Variants in AGBL3 observed in about 807,000 individuals in gnomAD.
AGBL3 encodes the protein AGBL carboxypeptidase 3.
In AGBL3, 68 loss-of-function variants were observed where a neutral mutation model predicts 94.5. The observed-to-expected ratio is 0.72, with a 90% confidence interval of 0.59 to 0.88. The LOEUF is 0.88. AGBL3 is among the 40% of genes least tolerant of loss of function. The pLI, the probability that AGBL3 is intolerant of heterozygous loss-of-function variation, is 0.00. For missense variants in AGBL3, 934 were observed against 1,103.8 expected (o/e 0.85, Z 2.18); for synonymous variants, 354 against 370.7 (o/e 0.95, Z 0.52).
chr7:135,119,546 T>C (rs1369652962), intron 16 of AGBL3, among the ~76,000 whole-genome samples: 1 of 149,548 alleles, frequency 6.7e-6, no homozygotes, highest in East Asian at 2.0e-4. Flanking sequence ...ATTTAACTTC[T>C]GAAAATGAGA....
chr7:135,080,164 TA>T, intron 13 of AGBL3, 38 bp from the exon 14 acceptor site: 1 of 1,434,860 alleles, frequency 7.0e-7, no homozygotes, highest in Non-Finnish European at 9.6e-7. Flanking sequence ...TTCATGTTGA[TA>T]AAATAGCATT....
At chr7:134,998,577 A>G (rs1442266906) in intron 4 of AGBL3, among the ~76,000 whole-genome samples, 1 of 152,202 alleles carries the variant, frequency 6.6e-6, no homozygotes, top group African/African-American at 2.4e-5. Flanking sequence ...ATACCAGTCT[A>G]GCTCGTGCTT....
chr7:135,046,710 A>G (rs1270548630), intron 11 of AGBL3, among the ~76,000 whole-genome samples: 1 of 152,078 alleles, frequency 6.6e-6, no homozygotes, highest in African/African-American at 2.4e-5. Flanking sequence ...CAGTTTATAT[A>G]TCAGTTTACC....
intron 5 of AGBL3, among the ~76,000 whole-genome samples, chr7:135,032,269 A>G (rs938946615): frequency 6.6e-6 from 1 of 151,972 alleles, no homozygotes. Context: ...TTACTTCATC[A>G]TGACCAGAAA....
At chr7:135,084,348 A>C (rs1005915376) in intron 15 of AGBL3, among the ~76,000 whole-genome samples, 2 of 152,166 alleles carry the variant, frequency 1.3e-5, no homozygotes, top group African/African-American at 4.8e-5. Flanking sequence ...TGTTTGGTAC[A>C]TTCAAAATCT....
chr7:134,990,870 G>C (rs1810152671), intron 3 of AGBL3, among the ~76,000 whole-genome samples: 1 of 152,122 alleles, frequency 6.6e-6, no homozygotes, highest in Admixed American at 6.5e-5. Flanking sequence ...CTTTTGCCCT[G>C]AGAACTGGTC....
chr7:135,135,158 G>T lies in AGBL3; in HGVS notation c.2660G>T (p.Ser887Ile). Residue 887 changes from serine to isoleucine, a missense_variant, in exon 17 of 17, where the codon AGC becomes ATC. By Grantham distance (142) the Ser-to-Ile change is moderately radical (BLOSUM62 -2). Coordinates refer to ENST00000436302, the MANE Select transcript of AGBL3 (RefSeq NM_178563.4). ...CAAGCTGAAGAAACTAACCAGCAAA[G>T]CTCTAAGCATACAGCCCTCCATCTA... ...SLQAEETNQQSSKHTALHLTK... is the reference protein window; with the variant it reads ...SLQAEETNQQISKHTALHLTK... 1 of 1,551,016 alleles carries T rather than the reference G, an allele frequency of 6.4e-7. No individual in the cohort carries two copies. Among genetic ancestry groups the T allele is most frequent in the Non-Finnish European group, 8.7e-7 (1 of 1,146,606 alleles).
intron 3 of AGBL3, among the ~76,000 whole-genome samples, chr7:134,991,201 T>TGGGG (rs58596813): frequency 3.0e-4 from 24 of 80,504 alleles, no homozygotes; most frequent in African/African-American, 9.3e-4. Flanking sequence ...TGTGTGTGGG[T>TGGGG]GGGGGGGGGG....
chr7:135,128,328 A>AAAAC (rs1828238689), intron 16 of AGBL3: 1 of 186,260 alleles, frequency 5.4e-6, no homozygotes, highest in African/African-American at 2.6e-5. Context: ...AACGAAAAAA[A>AAAAC]AAAACAAAAC....
rs911255510 is a variant in AGBL3 at position 135,047,726 on chromosome 7, GT to G, written c.1841+1820del. Among the ~76,000 whole-genome samples the G allele has an allele frequency of 4.6e-5, 7 of 152,012 alleles. 1 individual carries two copies. Among genetic ancestry groups the G allele is most frequent in the Admixed American group, 3.3e-4 (5 of 15,228 alleles). ...TTTATAACAAAATCAGGTTATAGGG[GT>G]TTTTGCTATTGAGGTGAAGGAATTC... On this transcript the variant is annotated intron_variant, in intron 11 of 16. Coordinates refer to ENST00000436302, the MANE Select transcript of AGBL3 (RefSeq NM_178563.4).
chr7:135,073,536 G>A (rs1820162506), intron 12 of AGBL3, among the ~76,000 whole-genome samples: 1 of 151,594 alleles, frequency 6.6e-6, no homozygotes, highest in African/African-American at 2.4e-5. Flanking sequence ...TAAGAGTGTA[G>A]TAGGAAGAGC....
At chr7:135,031,629 G>A (rs1815754117) in intron 5 of AGBL3, among the ~76,000 whole-genome samples, 1 of 152,140 alleles carries the variant, frequency 6.6e-6, no homozygotes, top group African/African-American at 2.4e-5. Flanking sequence ...AGATCATTTT[G>A]CTTCTTTCAG....
At chr7:135,088,490 A>G (rs1331926137) in intron 15 of AGBL3, among the ~76,000 whole-genome samples, 2 of 151,960 alleles carry the variant, frequency 1.3e-5, no homozygotes, top group Non-Finnish European at 2.9e-5. Context: ...TTATACTTTT[A>G]TATGTTTTAA....
intron 12 of AGBL3, among the ~76,000 whole-genome samples, chr7:135,061,057 T>C (rs555591983): frequency 1.1e-3 from 130 of 122,272 alleles, no homozygotes; most frequent in African/African-American, 3.7e-3. Flanking sequence ...CCAACACTAA[T>C]TATCTTTTTT....
rs1324062905 is a variant in AGBL3 at position 135,115,387 on chromosome 7, C to A, written c.2118C>A (p.His706Gln). 1.9e-6 allele frequency: 3 copies of A among 1,549,656 alleles called. No individual in the cohort carries two copies. Among genetic ancestry groups the A allele is most frequent in the Non-Finnish European group, 8.7e-7 (1 of 1,146,046 alleles). The change falls in exon 16 of 17, where the codon CAC becomes CAA. Residue 706 changes from histidine to glutamine, a missense_variant. This residue lies in a region of AGBL3 where 441 missense variants were observed against 518.2 expected (regional missense o/e 0.85). Transcript: ENST00000436302. ...RQLPNQGLDL[H>Q]HNLKSKIKEC... ...TTTGTGGTTGCTCCCCAGATCTGCA[C>A]CACAACTTAAAAAGCAAAATAAAAG...
At chr7:135,028,686 C>T (rs996391829) in intron 5 of AGBL3, among the ~76,000 whole-genome samples, 1 of 152,180 alleles carries the variant, frequency 6.6e-6, no homozygotes, top group Non-Finnish European at 1.5e-5. Flanking sequence ...TGCCTCCTCC[C>T]ATGAATTACT....
rs117530906 is a variant in AGBL3 at position 134,987,413 on chromosome 7, G to A, written c.-59-462G>A. On this transcript the variant is annotated intron_variant, in intron 1 of 16. Transcript: ENST00000436302. ...ATAAGAATAATATAAATGAATATTA[G>A]AACAGACAGTATCTACAGAATAATA... Among the ~76,000 whole-genome samples, 767 of 152,260 alleles carry A rather than the reference G, an allele frequency of 5.0e-3. 4 individuals are homozygous for A. Among genetic ancestry groups the A allele is most frequent in the Non-Finnish European group, 7.5e-3 (511 of 68,006 alleles).
chr7:135,044,266 A>G (rs1440285104), intron 9 of AGBL3, 115 bp downstream of exon 9: 1 of 970,026 alleles, frequency 1.0e-6, no homozygotes, highest in Non-Finnish European at 1.4e-6. Flanking sequence ...AATAATACTA[A>G]TATTTAATCA....
chr7:135,003,790 C>T (rs905612362), intron 4 of AGBL3, among the ~76,000 whole-genome samples: 4 of 151,280 alleles, frequency 2.6e-5, no homozygotes, highest in Non-Finnish European at 5.9e-5. Context: ...AACTTGTTTA[C>T]ATACAGGAAA....
Sources: gnomAD v4.1 joint callset for allele counts (sites outside exome capture counted in the v4.1 genomes callset) on GRCh38, gnomAD v4.1.1 for gene constraint, gnomAD v4.1.1 regional missense constraint, MANE v1.5 for transcripts, NCBI Gene and HGNC (gene_info 2026-07-23, HGNC 2026-07-21) for gene names.